The following KCNN2 variants were observed in gnomAD, a reference collection of about 807,000 sequenced individuals.
KCNN2 encodes the protein small conductance calcium-activated potassium channel protein 2.
In KCNN2, 24 loss-of-function variants were observed where a neutral mutation model predicts 55.5. That is an observed-to-expected ratio of 0.43 (90% confidence interval 0.31 to 0.61). The LOEUF (loss-of-function observed/expected upper bound fraction) is 0.61, where lower values mean the gene tolerates loss of function less well. Among genes scored for constraint, KCNN2 ranks in the 20% least tolerant of loss-of-function variants. The pLI is 0.08. For synonymous variants in KCNN2, 431 were observed against 336.1 expected, an observed-to-expected ratio of 1.28 and a Z score of -3.09; for missense variants, 754 against 853.6, an observed-to-expected ratio of 0.88 and a Z score of 1.45.
At chr5:114,429,557 C>G (rs186517909) in intron 3 of KCNN2, among the ~76,000 whole-genome samples, 9 of 152,150 alleles carry the variant, frequency 5.9e-5, no homozygotes, top group African/African-American at 2.2e-4. Flanking sequence ...TACTCCCAGT[C>G]TGTGGCTTGT....
intron 2 of KCNN2, among the ~76,000 whole-genome samples, chr5:114,228,940 G>T (rs989088078): frequency 2.0e-5 from 3 of 151,942 alleles, no homozygotes; most frequent in African/African-American, 4.8e-5. Flanking sequence ...ATTATCTAAT[G>T]ATTCTACTAT....
rs540639127 is a variant in KCNN2, at chr5:114,409,223, A to T, written c.1637+4367A>T. 4.6e-5 allele frequency among the ~76,000 whole-genome samples: 7 copies of T among 152,322 alleles called. No homozygotes were observed. The East Asian group carries it at 1.3e-3, about 29-fold the overall frequency. ...TACACAAATGTGTAAAAGAAAAAAA[A>T]ATTATTAACCAGCATTGTGTTAATA... is the stretch of plus-strand genomic sequence containing the variant. On this transcript the variant is annotated intron_variant, in intron 3 of 7. Transcript: ENST00000673685.
chr5:114,417,378 A>G (rs1759337992), intron 3 of KCNN2, among the ~76,000 whole-genome samples: 1 of 151,766 alleles, frequency 6.6e-6, no homozygotes, highest in Non-Finnish European at 1.5e-5. Flanking sequence ...TTATTGTTTT[A>G]TTTTGTTTTG....
chr5:114,433,956 A>G (rs1196449647), intron 3 of KCNN2: 1 of 154,552 alleles, frequency 6.5e-6, no homozygotes, highest in African/African-American at 2.4e-5. Flanking sequence ...ATTCACTCTG[A>G]CAGCCTCTTT....
intron 1 of KCNN2, among the ~76,000 whole-genome samples, chr5:114,079,671 G>T (rs1176149918): frequency 6.6e-6 from 1 of 152,072 alleles, no homozygotes. Context: ...ATTTGATTCT[G>T]CTTGCCTTGG....
At chr5:114,450,355 A>G (rs1049474979) in intron 3 of KCNN2, among the ~76,000 whole-genome samples, 1 of 152,044 alleles carries the variant, frequency 6.6e-6, no homozygotes, top group Non-Finnish European at 1.5e-5. Flanking sequence ...CTCTTGGAGG[A>G]GCTCACAGTG....
chr5:114,399,456 T>C (rs1758717851), intron 2 of KCNN2, among the ~76,000 whole-genome samples: 1 of 152,170 alleles, frequency 6.6e-6, no homozygotes. Flanking sequence ...GCGTATTTGA[T>C]TGTGTTAGAT....
chr5:114,396,681 T>A (rs561390651), intron 2 of KCNN2, among the ~76,000 whole-genome samples: 1 of 152,140 alleles, frequency 6.6e-6, no homozygotes, highest in East Asian at 1.9e-4. Flanking sequence ...CCCGAGTAGC[T>A]GGGACTATAG....
rs114433429 is a variant in KCNN2 at position 114,223,817 on chromosome 5, C to G, written c.-185+2252C>G. Among the ~76,000 whole-genome samples the G allele has an allele frequency of 2.0e-3, 300 of 152,218 alleles. 1 individual carries two copies. The highest frequency in any genetic ancestry group is 6.4e-3 in the African/African-American group (266 of 41,528). On this transcript the variant is annotated intron_variant, in intron 2 of 10. Transcript: ENST00000512097. ...GGGTGTTGCTGAGTTGTGATGCTGCCTCAGGAATGCAACAGAAGGGCTGTG... is the reference window on the plus strand; with the variant it reads ...GGGTGTTGCTGAGTTGTGATGCTGCGTCAGGAATGCAACAGAAGGGCTGTG...
intron 1 of KCNN2, among the ~76,000 whole-genome samples, chr5:114,160,998 A>G (rs1752765384): frequency 6.6e-6 from 1 of 152,178 alleles, no homozygotes; most frequent in South Asian, 2.1e-4. Context: ...CATTTAGTCC[A>G]TTTACATTTA....
At chr5:114,182,564 T>G (rs919850589) in intron 1 of KCNN2, among the ~76,000 whole-genome samples, 1 of 152,124 alleles carries the variant, frequency 6.6e-6, no homozygotes, top group African/African-American at 2.4e-5. Context: ...TCTTTGGTGG[T>G]TTTTAGTATA....
chr5:114,244,632 GAGAGAC>G (rs963126137), intron 2 of KCNN2, among the ~76,000 whole-genome samples: 1 of 151,816 alleles, frequency 6.6e-6, no homozygotes, highest in Non-Finnish European at 1.5e-5. Context: ...GTGTGGAGGG[GAGAGAC>G]AGAGAGAGAG....
intron 2 of KCNN2, among the ~76,000 whole-genome samples, chr5:114,393,714 C>T (rs2150064923): frequency 6.6e-6 from 1 of 151,850 alleles, no homozygotes; most frequent in South Asian, 2.1e-4. Flanking sequence ...ACTTTATGCA[C>T]ATACAAATAC....
At chr5:114,056,510 C>G (rs1316018297) in intron 1 of KCNN2, 3 of 398,100 alleles carry the variant, frequency 7.5e-6, no homozygotes, top group Non-Finnish European at 1.3e-5. Flanking sequence ...GGTAAGGTCG[C>G]GACTAAGGTG....
At chr5:114,267,875 A>G (rs958709258) in intron 2 of KCNN2, among the ~76,000 whole-genome samples, 3 of 152,184 alleles carry the variant, frequency 2.0e-5, no homozygotes, top group Non-Finnish European at 4.4e-5. Context: ...TCAGACTACT[A>G]GTTAAATTAT....
intron 2 of KCNN2, among the ~76,000 whole-genome samples, chr5:114,264,121 C>A (rs567132689): frequency 6.6e-6 from 1 of 152,168 alleles, no homozygotes. Flanking sequence ...GCTTAATGAT[C>A]AATTCTGTCT....
intron 2 of KCNN2, among the ~76,000 whole-genome samples, chr5:114,353,653 C>T (rs923224338): frequency 7.2e-5 from 11 of 151,906 alleles, no homozygotes; most frequent in Non-Finnish European, 1.5e-4. Flanking sequence ...ATTACATTCT[C>T]TCAGTTTTTA....
At chr5:114,291,894 G>C (rs1755897466) in intron 2 of KCNN2, among the ~76,000 whole-genome samples, 1 of 152,156 alleles carries the variant, frequency 6.6e-6, no homozygotes, top group Admixed American at 6.5e-5. Context: ...TAACTGGTGT[G>C]AGATGGTATC....
At chr5:114,335,799 G>C (rs1283015273) in intron 2 of KCNN2, among the ~76,000 whole-genome samples, 1 of 152,148 alleles carries the variant, frequency 6.6e-6, no homozygotes, top group African/African-American at 2.4e-5. Flanking sequence ...TAGAAATATG[G>C]GAAGAGGTTC....
Sources: gnomAD v4.1 joint callset for allele counts (sites outside exome capture counted in the v4.1 genomes callset) on GRCh38, gnomAD v4.1.1 for gene constraint, MANE v1.5 for transcripts, NCBI Gene and HGNC (gene_info 2026-07-23, HGNC 2026-07-21) for gene names.